The following ATP10A variants were observed in gnomAD, a reference collection of about 807,000 sequenced individuals.
The protein encoded by ATP10A is ATPase phospholipid transporting 10A (putative), also known as phospholipid-transporting ATPase VA.
A neutral mutation model predicts 147.8 loss-of-function variants in ATP10A; 111 were observed. The ratio of observed to expected loss-of-function variants is 0.75; its 90% CI spans 0.64 to 0.88. The LOEUF (loss-of-function observed/expected upper bound fraction) is 0.88, where lower values mean the gene tolerates loss of function less well. ATP10A is among the 40% of genes least tolerant of loss of function. The pLI, the probability that ATP10A is intolerant of heterozygous loss-of-function variation, is 0.00. For missense variants in ATP10A, 1,927 were observed against 1,959.0 expected (o/e 0.98, Z 0.31); for synonymous variants, 875 against 841.6 (o/e 1.04, Z -0.69).
chr15:25,729,003 A>T (rs1486946458), intron 3 of ATP10A, among the ~76,000 whole-genome samples: 2 of 152,314 alleles, frequency 1.3e-5, no homozygotes, highest in East Asian at 3.9e-4. Context: ...CGAGGGCGAC[A>T]CAGGCCCAGA....
chr15:25,720,990 C>G (rs1014646167), intron 7 of ATP10A, among the ~76,000 whole-genome samples: 2 of 152,186 alleles, frequency 1.3e-5, no homozygotes, highest in African/African-American at 4.8e-5. Context: ...AGGGTGCCCA[C>G]TCCCAGGGCG....
intron 1 of ATP10A, among the ~76,000 whole-genome samples, chr15:25,800,669 G>A (rs567863862): frequency 2.0e-5 from 3 of 152,254 alleles, no homozygotes; most frequent in Non-Finnish European, 2.9e-5. Context: ...GAGGAAACAC[G>A]AACACTTGAA....
chr15:25,838,303 C>T (rs1405771875), intron 1 of ATP10A, among the ~76,000 whole-genome samples: 3 of 152,174 alleles, frequency 2.0e-5, no homozygotes, highest in Admixed American at 6.5e-5. Flanking sequence ...GCCCATCTCA[C>T]CCAGGTGACT....
At chr15:25,786,797 T>G (rs892769130) in intron 1 of ATP10A, among the ~76,000 whole-genome samples, 32 of 149,020 alleles carry the variant, frequency 2.1e-4, no homozygotes, top group African/African-American at 7.6e-4. Context: ...AGCTAGTTTT[T>G]TTTTTTTTTT....
rs1382922914 is a variant in ATP10A at position 25,771,264 on chromosome 15, G to A, written c.654+9755C>T. 6.6e-5 allele frequency among the ~76,000 whole-genome samples: 10 copies of A among 152,162 alleles called. 1 individual carries two copies. In the South Asian group the frequency reaches 1.9e-3, roughly 29 times the overall value. ...TTGTTTGCTGGCCACCCATAAACAA[G>A]GACATGCCAATCATAACACAAAGAG... On this transcript the variant is annotated intron_variant, in intron 2 of 20. Coordinates refer to ENST00000555815, the MANE Select transcript of ATP10A (RefSeq NM_024490.4).
intron 12 of ATP10A, among the ~76,000 whole-genome samples, chr15:25,703,148 A>C (rs1014908843): frequency 6.6e-6 from 1 of 152,236 alleles, no homozygotes; most frequent in African/African-American, 2.4e-5. Flanking sequence ...ACTTGAGGTC[A>C]GGAGTTCCAG....
At position 25,714,104 on chromosome 15, in the gene ATP10A, G is replaced by T. The variant is rs993038314; in HGVS notation, c.1914C>A (p.Gly638=). The T allele has an allele frequency of 1.5e-5, 25 of 1,613,248 alleles. No individual in the cohort carries two copies. Among genetic ancestry groups the T allele is most frequent in the Non-Finnish European group, 1.9e-5 (23 of 1,180,038 alleles). The part of the protein sequence containing the change: ...LAANKSSHKL[G]SSFPSTPSSD... ...TGGACGGGGTGGACGGGAAGCTGGA[G>T]CCCAACTTGTGGCTGGACTTGTTGG... Residue 638 remains glycine (G), a synonymous_variant, in exon 10 of 21, where the codon GGC becomes GGA. Transcript: ENST00000555815.
chr15:25,862,200 G>A (rs1488711319), intron 1 of ATP10A: 4 of 457,646 alleles, frequency 8.7e-6, no homozygotes, highest in South Asian at 1.6e-5. Context: ...GTCCTGAGCC[G>A]AGCTGTTAGC....
intron 2 of ATP10A, among the ~76,000 whole-genome samples, chr15:25,746,812 A>G (rs533446178): frequency 2.6e-5 from 4 of 152,288 alleles, no homozygotes; most frequent in Admixed American, 2.6e-4. Context: ...CTACTCGGAA[A>G]CTCCAAAATC....
intron 1 of ATP10A, among the ~76,000 whole-genome samples, chr15:25,859,297 A>G (rs1029723769): frequency 1.3e-5 from 2 of 152,154 alleles, no homozygotes; most frequent in African/African-American, 4.8e-5. Context: ...TTGGAGACCG[A>G]TGTCAGCTAA....
At chr15:25,778,918 C>T (rs1186157907) in intron 2 of ATP10A, among the ~76,000 whole-genome samples, 1 of 152,098 alleles carries the variant, frequency 6.6e-6, no homozygotes, top group Admixed American at 6.6e-5. Context: ...GCTCTGTCAC[C>T]CAGGCTGGAG....
At chr15:25,724,090 A>G in intron 5 of ATP10A, 69 bp from the exon 6 acceptor site, 1 of 1,395,352 alleles carries the variant, frequency 7.2e-7, no homozygotes, top group African/African-American at 1.5e-5. Context: ...AGCGTATATT[A>G]AAGCAAAACT....
chr15:25,864,205 T>G (rs1367418590), upstream of ATP10A, among the ~76,000 whole-genome samples: 1 of 151,760 alleles, frequency 6.6e-6, no homozygotes, highest in East Asian at 1.9e-4. Flanking sequence ...AGGGCTCCCC[T>G]CCACATCATG....
At chr15:25,859,356 C>T (rs972496216) in intron 1 of ATP10A, among the ~76,000 whole-genome samples, 4 of 152,218 alleles carry the variant, frequency 2.6e-5, no homozygotes, top group African/African-American at 7.2e-5. Flanking sequence ...TCCCCCTCGA[C>T]TCTCACCAGG....
At chr15:25,816,570 C>A (rs1891664029) in intron 1 of ATP10A, among the ~76,000 whole-genome samples, 1 of 152,162 alleles carries the variant, frequency 6.6e-6, no homozygotes, top group South Asian at 2.1e-4. Flanking sequence ...AATATTTTCA[C>A]AAGTACTGCC....
chr15:25,837,008 G>A lies in ATP10A; in HGVS notation c.449+25640C>T, dbSNP rs368016648. Among the ~76,000 whole-genome samples the A allele has an allele frequency of 1.4e-4, 22 of 152,030 alleles. 1 individual carries two copies. Among genetic ancestry groups the A allele is most frequent in the African/African-American group, 4.4e-4 (18 of 41,362 alleles). On this transcript the variant is annotated intron_variant, in intron 1 of 20. Coordinates refer to ENST00000555815, the MANE Select transcript of ATP10A (RefSeq NM_024490.4). ...CATTATATTTTGATATACATATAACGTAGTGAAATACATAGAGAAATGATC... is the reference window on the plus strand; with the variant it reads ...CATTATATTTTGATATACATATAACATAGTGAAATACATAGAGAAATGATC...
chr15:25,808,487 C>G (rs1567400799), intron 1 of ATP10A, among the ~76,000 whole-genome samples: 1 of 152,224 alleles, frequency 6.6e-6, no homozygotes, highest in Non-Finnish European at 1.5e-5. Context: ...TGGGTTCAAG[C>G]TATTCTGCTT....
intron 1 of ATP10A, among the ~76,000 whole-genome samples, chr15:25,800,162 C>A (rs56042011): frequency 0.14 from 21,146 of 152,214 alleles, 1,665 homozygotes; most frequent in Middle Eastern, 0.23. Context: ...AATGCAATAT[C>A]TTTTACAAAA....
At chr15:25,828,804 C>T (rs1179602732) in intron 1 of ATP10A, among the ~76,000 whole-genome samples, 1 of 152,142 alleles carries the variant, frequency 6.6e-6, no homozygotes, top group Non-Finnish European at 1.5e-5. Context: ...ATGGATTTGG[C>T]AGCACTCATG....
Sources: gnomAD v4.1 joint callset for allele counts (sites outside exome capture counted in the v4.1 genomes callset) on GRCh38, gnomAD v4.1.1 for gene constraint, MANE v1.5 for transcripts, NCBI Gene and HGNC (gene_info 2026-07-23, HGNC 2026-07-21) for gene names.